The following SLC12A7 variants were observed in gnomAD, a reference collection of about 807,000 sequenced individuals.
SLC12A7 encodes solute carrier family 12 member 7.
A neutral mutation model predicts 120.6 loss-of-function variants in SLC12A7; 100 were observed. That is an observed-to-expected ratio of 0.83 (90% CI 0.71 to 0.98). The LOEUF (loss-of-function observed/expected upper bound fraction) is 0.98, where lower values mean the gene tolerates loss of function less well. Among genes scored for constraint, SLC12A7 ranks in the 50% least tolerant of loss-of-function variants. SLC12A7 has a pLI of 0.00. For synonymous variants in SLC12A7, 760 were observed against 678.0 expected (o/e 1.12, Z -1.88); for missense variants, 1,373 against 1,548.1 (o/e 0.89, Z 1.90).
chr5:1,063,953 C>T lies in SLC12A7; in HGVS notation c.2630G>A (p.Arg877His), dbSNP rs767894435. ...QHKVWRKCRM[R>H]IFTVAQVDDN... is the part of the protein sequence containing the mutation. ...GTCCACCTGGGCCACGGTGAAGATA[C>T]GCATCCGGCACTTCCTCCACACCTG... The change falls in exon 20 of 24, where the codon CGT becomes CAT. Residue 877 changes from arginine to histidine, a missense_variant. Physicochemically the swap from Arg to His is conservative, Grantham distance 29. Transcript: ENST00000264930. 13 of 1,612,442 alleles carry T rather than the reference C, an allele frequency of 8.1e-6. No homozygotes were observed. The highest frequency in any genetic ancestry group is 2.2e-5 in the East Asian group (1 of 44,874).
At chr5:1,089,213 C>T (rs1186542181) in intron 3 of SLC12A7, 85 bp from the exon 4 acceptor site, 2 of 1,497,000 alleles carry the variant, frequency 1.3e-6, no homozygotes, top group South Asian at 1.3e-5. Context: ...AGGCCCTGGG[C>T]AGGCAAAGCG....
At chr5:1,078,966 G>A (rs997932793) in intron 10 of SLC12A7, among the ~76,000 whole-genome samples, 1 of 152,164 alleles carries the variant, frequency 6.6e-6, no homozygotes, top group Admixed American at 6.5e-5. Flanking sequence ...GCTCTGTCCA[G>A]CGCCACAGAA....
the SLC12A7 span, among the ~76,000 whole-genome samples, chr5:1,123,281 T>C: frequency 1.9e-4 from 29 of 152,132 alleles, 1 homozygote; most frequent in Admixed American, 7.2e-4. Flanking sequence ...GGGAGCCGCA[T>C]AGAGAGGCAT....
At chr5:1,134,806 C>T in the SLC12A7 span, among the ~76,000 whole-genome samples, 2 of 152,116 alleles carry the variant, frequency 1.3e-5, no homozygotes, top group Non-Finnish European at 2.9e-5. Flanking sequence ...CAAAACAAGT[C>T]GGTCCACACA....
chr5:1,102,174 C>T (rs1742083185), intron 1 of SLC12A7, among the ~76,000 whole-genome samples: 1 of 152,186 alleles, frequency 6.6e-6, no homozygotes, highest in African/African-American at 2.4e-5. Context: ...GGGCAAAGAC[C>T]AGACACACGA....
the SLC12A7 span, among the ~76,000 whole-genome samples, chr5:1,126,552 A>G: frequency 6.6e-6 from 1 of 152,168 alleles, no homozygotes; most frequent in Non-Finnish European, 1.5e-5. Flanking sequence ...AATTTGTGTC[A>G]TGGGGTTTGT....
At chr5:1,073,902 T>TG in intron 16 of SLC12A7, 101 bp from the exon 17 acceptor site, 1 of 1,165,674 alleles carries the variant, frequency 8.6e-7, no homozygotes, top group Non-Finnish European at 1.1e-6. Flanking sequence ...ACGACACAGG[T>TG]GGGACGGGAG....
intron 3 of SLC12A7, among the ~76,000 whole-genome samples, chr5:1,090,037 A>G (rs1243934570): frequency 1.3e-5 from 2 of 152,242 alleles, no homozygotes; most frequent in African/African-American, 2.4e-5. Flanking sequence ...ATTTGAAGAC[A>G]CTTCCTGTGA....
rs114468772 is a variant in SLC12A7, at chr5:1,096,022, C to T, written c.125-1774G>A. On this transcript the variant is annotated intron_variant, in intron 1 of 23. Transcript: ENST00000264930. ...CAGAGGAAGCTCCAGGTGACAGAGA[C>T]GGTCAAATGCACGCACAACCTCAGA... 3.3e-3 allele frequency among the ~76,000 whole-genome samples: 507 copies of T among 152,322 alleles called. 1 individual carries two copies. Among genetic ancestry groups the T allele is most frequent in the African/African-American group, 0.011 (458 of 41,568 alleles).
chr5:1,058,263 G>A (rs1007754542), intron 21 of SLC12A7, among the ~76,000 whole-genome samples: 3 of 152,248 alleles, frequency 2.0e-5, no homozygotes, highest in South Asian at 2.1e-4. Flanking sequence ...GGGAAGTGGC[G>A]CCCTCACCGC....
chr5:1,127,724 C>T, the SLC12A7 span, among the ~76,000 whole-genome samples: 1 of 152,200 alleles, frequency 6.6e-6, no homozygotes, highest in Non-Finnish European at 1.5e-5. Flanking sequence ...GAAATTAAAT[C>T]CTTGATTTAA....
intron 3 of SLC12A7, among the ~76,000 whole-genome samples, chr5:1,091,822 G>A (rs940697595): frequency 7.3e-5 from 11 of 151,624 alleles, no homozygotes; most frequent in African/African-American, 2.4e-4. Context: ...CACCATCCAC[G>A]TGCAGAAAGG....
At chr5:1,084,161 C>T (rs1041991310) in intron 7 of SLC12A7, among the ~76,000 whole-genome samples, 1 of 152,158 alleles carries the variant, frequency 6.6e-6, no homozygotes, top group Non-Finnish European at 1.5e-5. Flanking sequence ...AGGGATCACA[C>T]TGGGGACCGG....
intron 22 of SLC12A7, chr5:1,057,169 CCCT>C: frequency 2.9e-6 from 1 of 347,414 alleles, no homozygotes; most frequent in Non-Finnish European, 5.2e-6. Context: ...CTAGAAGGAC[CCCT>C]CAGCGCTTGG....
chr5:1,119,400 C>T, the SLC12A7 span, among the ~76,000 whole-genome samples: 5 of 152,338 alleles, frequency 3.3e-5, no homozygotes, highest in South Asian at 4.1e-4. Flanking sequence ...CCCAGACACC[C>T]GCTAGGGCCC....
intron 10 of SLC12A7, among the ~76,000 whole-genome samples, chr5:1,079,084 G>C (rs939123511): frequency 6.6e-6 from 1 of 152,152 alleles, no homozygotes; most frequent in Non-Finnish European, 1.5e-5. Flanking sequence ...GGCAGCCTTG[G>C]GATTGAGAAG....
the SLC12A7 span, among the ~76,000 whole-genome samples, chr5:1,136,093 G>A: frequency 6.6e-6 from 1 of 152,164 alleles, no homozygotes; most frequent in East Asian, 1.9e-4. Context: ...CTGATGAGAA[G>A]GTTCAGAGGC....
rs761894073 is a variant in SLC12A7, at chr5:1,075,462, A to G, written c.1876T>C (p.Cys626Arg). 3.7e-5 allele frequency: 60 copies of G among 1,612,116 alleles called. No individual in the cohort carries two copies. The highest frequency in any genetic ancestry group is 4.9e-5 in the Non-Finnish European group (58 of 1,179,388). ...GAGCAGATGAACATCAGCGCCAGGC[A>G]CAGGCTCATACCCAGAAAGGACAGG... ...WTLSFLGMSLCLALMFICSWY... is the reference protein window; with the variant it reads ...WTLSFLGMSLRLALMFICSWY... Residue 626 changes from cysteine to arginine, a missense_variant, in exon 15 of 24, where the codon TGC (cysteine) becomes CGC (arginine). Coordinates refer to ENST00000264930, the MANE Select transcript of SLC12A7 (RefSeq NM_006598.3).
At chr5:1,065,666 C>T (rs374185292) in intron 17 of SLC12A7, among the ~76,000 whole-genome samples, 188 bp from the exon 18 acceptor site, 2 of 152,242 alleles carry the variant, frequency 1.3e-5, no homozygotes, top group East Asian at 3.9e-4. Context: ...TGTGCGTGCT[C>T]ACACACTGGG....
Sources: allele counts gnomAD v4.1 joint callset (sites outside exome capture counted in the v4.1 genomes callset), GRCh38; gene constraint gnomAD v4.1.1; transcripts MANE v1.5; gene names NCBI Gene and HGNC (gene_info 2026-07-23, HGNC 2026-07-21).